Variants in MEI4 observed in about 807,000 individuals in gnomAD.
MEI4 encodes the protein meiosis-specific protein MEI4.
MEI4 carries 27 observed loss-of-function variants against 31.4 expected under a neutral mutation model. The ratio of observed to expected loss-of-function variants is 0.86; its 90% CI spans 0.63 to 1.19. MEI4 has a LOEUF of 1.19. Among genes scored for constraint, MEI4 ranks in the 50% most tolerant of loss-of-function variants. The pLI is 0.00. For synonymous variants in MEI4, 122 were observed against 145.4 expected, an observed-to-expected ratio of 0.84 and a Z score of 1.16; for missense variants, 329 against 398.9, an observed-to-expected ratio of 0.82 and a Z score of 1.49.
intron 3 of MEI4, 50 bp from the exon 4 acceptor site, chr6:77,828,881 T>C (rs928193144): frequency 2.5e-6 from 3 of 1,219,622 alleles, no homozygotes; most frequent in Non-Finnish European, 3.1e-6. Flanking sequence ...AGAAAATACA[T>C]TTTGATTTGA....
intron 4 of MEI4, among the ~76,000 whole-genome samples, chr6:77,910,135 T>A (rs1242481733): frequency 1.3e-5 from 2 of 152,174 alleles, no homozygotes; most frequent in East Asian, 3.9e-4. Context: ...GCATTCCCTT[T>A]GAAAACTGGC....
chr6:77,888,450 C>A (rs1347751058), intron 4 of MEI4, among the ~76,000 whole-genome samples: 1 of 150,612 alleles, frequency 6.6e-6, no homozygotes, highest in African/African-American at 2.4e-5. Context: ...AGTTTAATAT[C>A]TTCCTGTTTC....
At chr6:77,675,793 T>C (rs992297756) in intron 1 of MEI4, among the ~76,000 whole-genome samples, 5 of 152,260 alleles carry the variant, frequency 3.3e-5, no homozygotes, top group Middle Eastern at 6.8e-3. Context: ...AGAAAGCTCA[T>C]GGTAACCATA....
chr6:77,740,569 AT>A (rs1276147461), intron 2 of MEI4, among the ~76,000 whole-genome samples: 14 of 152,184 alleles, frequency 9.2e-5, no homozygotes, highest in African/African-American at 2.9e-4. Context: ...ATATTTTAAA[AT>A]AGCATTTCCT....
Position 77,705,641 on chromosome 6 carries a change from A to G in MEI4, c.232+14738A>G, listed in dbSNP as rs559874760. ...ATGAGTATCTGTAGAGGGAGGCCCA[A>G]TGTGTATGTGGGATCCACATTGGCT... On this transcript the variant is annotated intron_variant, in intron 2 of 4. Transcript: ENST00000684080. Among the ~76,000 whole-genome samples, 9 of 152,314 alleles carry G rather than the reference A, an allele frequency of 5.9e-5. No homozygotes were observed. The South Asian group carries it at 1.9e-3, about 32-fold the overall frequency.
chr6:77,919,202 T>G (rs1012023988), intron 4 of MEI4, among the ~76,000 whole-genome samples: 2 of 152,042 alleles, frequency 1.3e-5, no homozygotes, highest in African/African-American at 4.8e-5. Context: ...TACATTTTTT[T>G]CAGCACCACA....
At chr6:77,715,645 T>C (rs1210458606) in intron 2 of MEI4, among the ~76,000 whole-genome samples, 2 of 152,194 alleles carry the variant, frequency 1.3e-5, no homozygotes, top group Non-Finnish European at 2.9e-5. Context: ...ATATCCCTAA[T>C]GTACTTACAG....
chr6:77,673,387 C>G (rs143313261), intron 1 of MEI4, among the ~76,000 whole-genome samples: 1 of 152,256 alleles, frequency 6.6e-6, no homozygotes, highest in African/African-American at 2.4e-5. Flanking sequence ...ACAATTGTTA[C>G]TAACATATTT....
At chr6:77,867,690 C>T (rs921435444) in intron 4 of MEI4, among the ~76,000 whole-genome samples, 1 of 152,108 alleles carries the variant, frequency 6.6e-6, no homozygotes, top group African/African-American at 2.4e-5. Context: ...CTAGAAATAC[C>T]ATTTGACCCA....
At chr6:77,859,174 A>G (rs1036579799) in intron 4 of MEI4, among the ~76,000 whole-genome samples, 8 of 152,188 alleles carry the variant, frequency 5.3e-5, no homozygotes, top group Non-Finnish European at 1.2e-4. Flanking sequence ...AGCTTCATCC[A>G]CGTTCCTGCA....
chr6:77,839,149 G>A (rs12197987), intron 4 of MEI4, among the ~76,000 whole-genome samples: 42,601 of 151,880 alleles, frequency 0.28, 6,732 homozygotes, highest in South Asian at 0.38. Flanking sequence ...GACATTATGA[G>A]CTGGAGAGTA....
intron 1 of MEI4, 66 bp from the exon 2 acceptor site, chr6:77,690,591 TA>T (rs1477245168): frequency 1.4e-6 from 1 of 708,140 alleles, no homozygotes; most frequent in African/African-American, 1.8e-5. Context: ...AAATCAATTT[TA>T]AGCAAATGAA....
At chr6:77,698,661 T>C (rs577248111) in intron 2 of MEI4, among the ~76,000 whole-genome samples, 118 of 152,366 alleles carry the variant, frequency 7.7e-4, no homozygotes, top group African/African-American at 2.7e-3. Flanking sequence ...GGGTTTCCCC[T>C]TGTGGGTAAC....
intron 4 of MEI4, among the ~76,000 whole-genome samples, chr6:77,868,528 T>TATATATATATATATATATATATAA: frequency 7.2e-6 from 1 of 139,094 alleles, no homozygotes; most frequent in Non-Finnish European, 1.6e-5. Context: ...TATATATATA[T>TATATATATATATATATATATATAA]GCAGATTTCA....
intron 4 of MEI4, among the ~76,000 whole-genome samples, chr6:77,887,315 G>A (rs901712679): frequency 1.1e-4 from 17 of 150,940 alleles, no homozygotes; most frequent in Non-Finnish European, 2.2e-4. Flanking sequence ...TTTTGAGATG[G>A]AGTCTCACTT....
chr6:77,733,374 G>T (rs954507613), intron 2 of MEI4, among the ~76,000 whole-genome samples: 1 of 152,074 alleles, frequency 6.6e-6, no homozygotes, highest in South Asian at 2.1e-4. Flanking sequence ...ATGTGTCTAG[G>T]AATTTATCCA....
intron 4 of MEI4, among the ~76,000 whole-genome samples, chr6:77,833,865 T>G (rs1278312809): frequency 2.0e-5 from 3 of 152,164 alleles, no homozygotes. Flanking sequence ...AACTCCCACT[T>G]ATGAGTGGGA....
At chr6:77,736,951 C>G (rs1346847849) in intron 2 of MEI4, among the ~76,000 whole-genome samples, 1 of 151,964 alleles carries the variant, frequency 6.6e-6, no homozygotes, top group Non-Finnish European at 1.5e-5. Context: ...CAAGTGGGAA[C>G]AATGTAAAGT....
chr6:77,883,760 A>C (rs1038034324), intron 4 of MEI4, among the ~76,000 whole-genome samples: 5 of 114,308 alleles, frequency 4.4e-5, no homozygotes, highest in African/African-American at 1.9e-4. Flanking sequence ...GTCTTTGTCT[A>C]TTCATTTATT....
Sources: gnomAD v4.1 joint callset for allele counts (sites outside exome capture counted in the v4.1 genomes callset) on GRCh38, gnomAD v4.1.1 for gene constraint, MANE v1.5 for transcripts, NCBI Gene and HGNC (gene_info 2026-07-23, HGNC 2026-07-21) for gene names.